The following PARM1 variants were observed in gnomAD, a reference collection of about 807,000 sequenced individuals.
The protein encoded by PARM1 is WSC4, cell wall integrity and stress response component 4 homolog.
In PARM1, 14 loss-of-function variants were observed where a neutral mutation model predicts 24.6. The observed-to-expected ratio is 0.57, with a 90% CI of 0.38 to 0.89. The LOEUF is 0.89. PARM1 is among the 40% of genes least tolerant of loss of function. The pLI is 0.00. For missense variants in PARM1, 362 were observed against 380.4 expected (o/e 0.95, Z 0.40); for synonymous variants, 179 against 156.6 (o/e 1.14, Z -1.07).
chr4:74,952,204 T>C (rs1222803424), intron 1 of PARM1, among the ~76,000 whole-genome samples: 5 of 152,252 alleles, frequency 3.3e-5, no homozygotes, highest in Non-Finnish European at 7.3e-5. Context: ...ATGAGCTTTT[T>C]TTCATATATT....
chr4:75,037,256 G>A (rs770213110), intron 3 of PARM1, among the ~76,000 whole-genome samples: 9 of 152,120 alleles, frequency 5.9e-5, no homozygotes, highest in Non-Finnish European at 1.0e-4. Flanking sequence ...TAGCTTGTTT[G>A]GCTGGAGCAG....
intron 2 of PARM1, among the ~76,000 whole-genome samples, chr4:75,020,964 A>T (rs1013298072): frequency 5.3e-5 from 8 of 152,184 alleles, no homozygotes; most frequent in Admixed American, 3.9e-4. Context: ...TCTTCGCAGC[A>T]TGTGATTATA....
At chr4:75,011,522 A>C (rs1222298647) in intron 1 of PARM1, among the ~76,000 whole-genome samples, 3 of 152,198 alleles carry the variant, frequency 2.0e-5, no homozygotes, top group African/African-American at 7.2e-5. Flanking sequence ...GTTACCTAAA[A>C]GTGAAACCAG....
intron 1 of PARM1, among the ~76,000 whole-genome samples, chr4:74,945,154 A>C (rs1168137447): frequency 6.6e-6 from 1 of 152,232 alleles, no homozygotes; most frequent in Non-Finnish European, 1.5e-5. Context: ...AGTATGTTGG[A>C]AAGGCAAGCT....
At chr4:75,031,913 G>C (rs998583721) in intron 2 of PARM1, among the ~76,000 whole-genome samples, 2 of 152,110 alleles carry the variant, frequency 1.3e-5, no homozygotes, top group African/African-American at 4.8e-5. Flanking sequence ...CTATTACAAG[G>C]CTTCAGTGAA....
intron 2 of PARM1, 132 bp downstream of exon 2, chr4:75,013,282 AT>A: frequency 1.0e-6 from 1 of 984,548 alleles, no homozygotes; most frequent in East Asian, 2.4e-5. Flanking sequence ...ATTCACAAGA[AT>A]TTCCACGAGT....
chr4:75,023,368 T>G (rs1313809465), intron 2 of PARM1, among the ~76,000 whole-genome samples: 1 of 152,196 alleles, frequency 6.6e-6, no homozygotes, highest in South Asian at 2.1e-4. Flanking sequence ...CTTATTAGGG[T>G]TAAATGAGAC....
intron 1 of PARM1, among the ~76,000 whole-genome samples, chr4:74,934,870 G>C (rs984156472): frequency 2.6e-5 from 4 of 152,170 alleles, no homozygotes; most frequent in Non-Finnish European, 5.9e-5. Flanking sequence ...ATTTGATTTA[G>C]TGGCTTGTCT....
At chr4:75,041,792 T>C (rs1434096817) in intron 3 of PARM1, among the ~76,000 whole-genome samples, 1 of 152,176 alleles carries the variant, frequency 6.6e-6, no homozygotes, top group African/African-American at 2.4e-5. Flanking sequence ...GAAGAGCCAC[T>C]AGAGAAAGAG....
chr4:75,033,835 C>T (rs1268353221), intron 2 of PARM1, 48 bp from the exon 3 acceptor site: 2 of 1,459,674 alleles, frequency 1.4e-6, no homozygotes, highest in Admixed American at 2.0e-5. Context: ...TCACATGATG[C>T]CCCGTATCCT....
chr4:75,010,818 C>T (rs985314126), intron 1 of PARM1, among the ~76,000 whole-genome samples: 1 of 152,094 alleles, frequency 6.6e-6, no homozygotes, highest in African/African-American at 2.4e-5. Flanking sequence ...GCTAGAAGAC[C>T]AATTAAGAGA....
At chr4:74,994,674 T>A (rs1456309459) in intron 1 of PARM1, among the ~76,000 whole-genome samples, 1 of 151,990 alleles carries the variant, frequency 6.6e-6, no homozygotes, top group Non-Finnish European at 1.5e-5. Context: ...CCAAGTGTGG[T>A]GGCATATGCC....
chr4:75,034,021 C>T (rs375751757), intron 3 of PARM1, 60 bp downstream of exon 3: 137 of 1,347,858 alleles, frequency 1.0e-4, no homozygotes, highest in Admixed American at 1.5e-4. Flanking sequence ...CTGGGCTGAG[C>T]GCTGTTTTGC....
intron 1 of PARM1, among the ~76,000 whole-genome samples, chr4:74,990,376 C>T (rs1722442802): frequency 6.6e-6 from 1 of 152,144 alleles, no homozygotes; most frequent in African/African-American, 2.4e-5. Context: ...TCTTCATCTA[C>T]AATATCAATG....
chr4:74,983,979 T>C (rs1722306180), intron 1 of PARM1, among the ~76,000 whole-genome samples: 1 of 152,192 alleles, frequency 6.6e-6, no homozygotes, highest in African/African-American at 2.4e-5. Flanking sequence ...CCTGGCAACA[T>C]AGCAAGACCC....
chr4:74,980,239 T>C (rs138638126), intron 1 of PARM1, among the ~76,000 whole-genome samples: 2,656 of 152,228 alleles, frequency 0.017, 66 homozygotes, highest in African/African-American at 0.06. Context: ...CCCCAAAGCT[T>C]CTTAAGCTGA....
At chr4:74,944,519 G>A (rs1188337540) in intron 1 of PARM1, among the ~76,000 whole-genome samples, 1 of 152,132 alleles carries the variant, frequency 6.6e-6, no homozygotes, top group African/African-American at 2.4e-5. Flanking sequence ...TGCTTGTGGT[G>A]CTGGAGGACA....
At chr4:75,032,744 A>G (rs1723297358) in intron 2 of PARM1, among the ~76,000 whole-genome samples, 1 of 152,194 alleles carries the variant, frequency 6.6e-6, no homozygotes, top group Non-Finnish European at 1.5e-5. Context: ...CACAGCTACT[A>G]ATGGTTGAAC....
At chr4:74,971,748 A>C (rs1162263991) in intron 1 of PARM1, among the ~76,000 whole-genome samples, 1 of 152,172 alleles carries the variant, frequency 6.6e-6, no homozygotes, top group Non-Finnish European at 1.5e-5. Flanking sequence ...ACCTACTTGC[A>C]CTAGTGGGGT....
Sources: allele counts gnomAD v4.1 joint callset (sites outside exome capture counted in the v4.1 genomes callset), GRCh38; gene constraint gnomAD v4.1.1; transcripts MANE v1.5; gene names NCBI Gene and HGNC (gene_info 2026-07-23, HGNC 2026-07-21).